Variants in SLC25A21 observed in about 807,000 individuals in gnomAD.
SLC25A21 encodes the protein mitochondrial 2-oxodicarboxylate carrier.
SLC25A21 carries 47 observed loss-of-function variants against 43.8 expected under a neutral mutation model. That is an observed-to-expected ratio of 1.07 (90% CI 0.85 to 1.37). The LOEUF is 1.37. Among genes scored for constraint, SLC25A21 ranks in the 40% most tolerant of loss-of-function variants. The probability of loss-of-function intolerance (pLI) is 0.00; values close to 1 mark genes in which losing one functional copy is unlikely to be tolerated. For missense variants in SLC25A21, 352 were observed against 350.2 expected, an observed-to-expected ratio of 1.00 and a Z score of -0.04; for synonymous variants, 131 against 121.3, an observed-to-expected ratio of 1.08 and a Z score of -0.52.
At position 37,046,613 on chromosome 14, in the gene SLC25A21, T is replaced by C. The variant is rs546750929; in HGVS notation, c.70+125668A>G. 4.6e-5 allele frequency among the ~76,000 whole-genome samples: 7 copies of C among 152,320 alleles called. No homozygotes were observed. In the East Asian group the frequency reaches 7.7e-4, roughly 17 times the overall value. ...ATACTTTGCAATTAATATCAAAGTG[T>C]CAACAAGATAACAGCTTGAAAAGTG... On this transcript the variant is annotated intron_variant, in intron 1 of 9. Coordinates refer to ENST00000331299, the MANE Select transcript of SLC25A21 (RefSeq NM_030631.4).
intron 7 of SLC25A21, among the ~76,000 whole-genome samples, chr14:36,688,457 C>A (rs1302448530): frequency 2.0e-5 from 3 of 152,228 alleles, no homozygotes; most frequent in Non-Finnish European, 4.4e-5. Context: ...AACCAAGATG[C>A]TCGGAGCTGA....
At chr14:36,868,407 C>T (rs1394625131) in intron 2 of SLC25A21, among the ~76,000 whole-genome samples, 1 of 152,116 alleles carries the variant, frequency 6.6e-6, no homozygotes, top group Non-Finnish European at 1.5e-5. Context: ...GTCAAATATC[C>T]TCTGCTAAAA....
intron 6 of SLC25A21, among the ~76,000 whole-genome samples, chr14:36,714,216 C>T (rs1005686254): frequency 5.9e-5 from 9 of 152,298 alleles, no homozygotes; most frequent in Admixed American, 2.6e-4. Flanking sequence ...TAGTTGAAGG[C>T]AGTGGCAACC....
intron 2 of SLC25A21, among the ~76,000 whole-genome samples, chr14:36,834,293 C>T (rs1052373326): frequency 9.9e-5 from 15 of 152,106 alleles, no homozygotes; most frequent in Admixed American, 3.3e-4. Flanking sequence ...GTTGCTTTTT[C>T]GCATCTTTTT....
intron 1 of SLC25A21, among the ~76,000 whole-genome samples, chr14:36,980,766 C>T (rs28826271): frequency 0.047 from 7,102 of 152,186 alleles, 578 homozygotes; most frequent in African/African-American, 0.16. Flanking sequence ...AATACCATTC[C>T]GGACATAGGC....
chr14:36,942,184 CTT>C (rs1393417155), intron 1 of SLC25A21, among the ~76,000 whole-genome samples: 6 of 152,058 alleles, frequency 3.9e-5, no homozygotes, highest in African/African-American at 1.4e-4. Context: ...TTTCTAATGA[CTT>C]AAATTCATTA....
At chr14:36,808,571 C>T (rs1293227209) in intron 3 of SLC25A21, among the ~76,000 whole-genome samples, 1 of 152,108 alleles carries the variant, frequency 6.6e-6, no homozygotes, top group Non-Finnish European at 1.5e-5. Context: ...ATCTTCTTTC[C>T]AGCCAATAAA....
chr14:36,859,504 C>T (rs573888978), intron 2 of SLC25A21, among the ~76,000 whole-genome samples: 2 of 152,266 alleles, frequency 1.3e-5, no homozygotes, highest in South Asian at 2.1e-4. Flanking sequence ...TAGTCTAGGG[C>T]GGAGGGTCAT....
rs1225596486 is a variant in SLC25A21 at position 36,855,706 on chromosome 14, G to T, written c.119+19250C>A. Reference sequence around the variant, plus strand: ...ACACGCTCAAGTTTGAGAATCACAGGTCTCCCCATGTGTGGAGCAACTCTC... The same window carrying T: ...ACACGCTCAAGTTTGAGAATCACAGTTCTCCCCATGTGTGGAGCAACTCTC... On this transcript the variant is annotated intron_variant, in intron 2 of 9. Transcript: ENST00000331299. Among the ~76,000 whole-genome samples, 8 of 152,252 alleles carry T rather than the reference G, an allele frequency of 5.3e-5. No individual in the cohort carries two copies. The East Asian group carries it at 1.4e-3, about 26-fold the overall frequency.
chr14:36,872,013 A>G (rs538285898), intron 2 of SLC25A21, among the ~76,000 whole-genome samples: 87 of 152,302 alleles, frequency 5.7e-4, no homozygotes, highest in African/African-American at 2.0e-3. Flanking sequence ...AAACAAAGGC[A>G]GAGAATTAAG....
At chr14:36,957,345 T>C (rs1469884382) in intron 1 of SLC25A21, among the ~76,000 whole-genome samples, 1 of 151,710 alleles carries the variant, frequency 6.6e-6, no homozygotes, top group African/African-American at 2.4e-5. Flanking sequence ...CGTTCAGAGC[T>C]GATGCTAGGG....
At chr14:36,860,017 G>C (rs939088321) in intron 2 of SLC25A21, among the ~76,000 whole-genome samples, 1 of 151,900 alleles carries the variant, frequency 6.6e-6, no homozygotes, top group African/African-American at 2.4e-5. Context: ...ATGAAGGAAG[G>C]CCCCTTGCCT....
At chr14:36,721,963 CTT>C (rs1884390726) in intron 6 of SLC25A21, among the ~76,000 whole-genome samples, 1 of 152,214 alleles carries the variant, frequency 6.6e-6, no homozygotes, top group African/African-American at 2.4e-5. Context: ...AAGCCCTTCT[CTT>C]AAACTCTCAC....
chr14:36,830,764 A>G (rs1229112901), intron 2 of SLC25A21, among the ~76,000 whole-genome samples: 1 of 152,106 alleles, frequency 6.6e-6, no homozygotes, highest in African/African-American at 2.4e-5. Flanking sequence ...TCCCCTCCTC[A>G]ATATCCCATA....
intron 2 of SLC25A21, among the ~76,000 whole-genome samples, chr14:36,873,049 C>T (rs552282477): frequency 6.6e-6 from 1 of 152,244 alleles, no homozygotes; most frequent in Middle Eastern, 3.4e-3. Context: ...ATTCTTATTT[C>T]TCCTCTATGT....
intron 3 of SLC25A21, among the ~76,000 whole-genome samples, chr14:36,787,541 C>A (rs1429987634): frequency 6.6e-6 from 1 of 152,006 alleles, no homozygotes; most frequent in Non-Finnish European, 1.5e-5. Context: ...TTGAAATTAA[C>A]ATTAATTTAG....
chr14:37,038,945 C>T (rs1467485), intron 1 of SLC25A21, among the ~76,000 whole-genome samples: 70,939 of 151,604 alleles, frequency 0.47, 18,940 homozygotes, highest in African/African-American at 0.75. Context: ...GCCACATAGA[C>T]AAAGGGATGC....
At chr14:36,954,457 T>C (rs1317761053) in intron 1 of SLC25A21, among the ~76,000 whole-genome samples, 1 of 151,684 alleles carries the variant, frequency 6.6e-6, no homozygotes, top group African/African-American at 2.4e-5. Flanking sequence ...TAGGTTTCCA[T>C]TATTTTCTTT....
intron 1 of SLC25A21, among the ~76,000 whole-genome samples, chr14:36,887,558 A>G (rs1890955798): frequency 1.3e-5 from 1 of 77,270 alleles, no homozygotes; most frequent in Non-Finnish European, 3.0e-5. Context: ...GCAAGACTCC[A>G]TTGCAAAAAA....
Sources: allele counts gnomAD v4.1 joint callset (sites outside exome capture counted in the v4.1 genomes callset), GRCh38; gene constraint gnomAD v4.1.1; transcripts MANE v1.5; gene names NCBI Gene and HGNC (gene_info 2026-07-23, HGNC 2026-07-21).